The following HS3ST5 variants were observed in gnomAD, a reference collection of about 807,000 sequenced individuals.
HS3ST5 encodes the protein heparan sulfate-glucosamine 3-sulfotransferase 5.
HS3ST5 carries 10 observed loss-of-function variants against 25.4 expected under a neutral mutation model. The ratio of observed to expected loss-of-function variants is 0.39; its 90% CI spans 0.24 to 0.67. The LOEUF is 0.67. Ranked by LOEUF, HS3ST5 falls within the 30% of genes least tolerant of loss-of-function variation. The probability of loss-of-function intolerance (pLI) is 0.44; values close to 1 mark genes in which losing one functional copy is unlikely to be tolerated. For missense variants in HS3ST5, 324 were observed against 420.7 expected (o/e 0.77, Z 2.01); for synonymous variants, 170 against 162.4 (o/e 1.05, Z -0.36).
At chr6:114,132,542 A>G (rs1210961070) in intron 3 of HS3ST5, among the ~76,000 whole-genome samples, 1 of 152,180 alleles carries the variant, frequency 6.6e-6, no homozygotes, top group Non-Finnish European at 1.5e-5. Context: ...CACAAATAGC[A>G]TTTTCCGTAC....
intron 2 of HS3ST5, among the ~76,000 whole-genome samples, chr6:114,197,308 T>A (rs1274991316): frequency 6.6e-6 from 1 of 152,098 alleles, no homozygotes; most frequent in Non-Finnish European, 1.5e-5. Flanking sequence ...ATTTAATAAC[T>A]GCACCTTAAA....
intron 1 of HS3ST5, among the ~76,000 whole-genome samples, chr6:114,256,256 T>C (rs964817546): frequency 2.5e-4 from 38 of 151,762 alleles, no homozygotes; most frequent in South Asian, 1.5e-3. Flanking sequence ...GGCGTGGTGG[T>C]GGGCGCCTGT....
intron 1 of HS3ST5, among the ~76,000 whole-genome samples, chr6:114,339,020 G>A (rs995431468): frequency 6.6e-6 from 1 of 151,978 alleles, no homozygotes; most frequent in Non-Finnish European, 1.5e-5. Flanking sequence ...TCTCTTTTAA[G>A]CTATTCACCT....
At chr6:114,082,880 G>A (rs1014709278) in intron 3 of HS3ST5, among the ~76,000 whole-genome samples, 2 of 152,104 alleles carry the variant, frequency 1.3e-5, no homozygotes, top group Admixed American at 6.6e-5. Flanking sequence ...TAGCCTGTGT[G>A]GTCTAACCCT....
At chr6:114,139,391 A>G (rs1777790562) in intron 3 of HS3ST5, among the ~76,000 whole-genome samples, 1 of 151,882 alleles carries the variant, frequency 6.6e-6, no homozygotes. Context: ...TAGGGACAAA[A>G]GTTCAAAAAA....
intron 1 of HS3ST5, among the ~76,000 whole-genome samples, chr6:114,316,568 G>T (rs768915491): frequency 6.6e-6 from 1 of 152,106 alleles, no homozygotes; most frequent in Non-Finnish European, 1.5e-5. Flanking sequence ...ACGCAAAAGT[G>T]TTCAAGTGAC....
chr6:114,104,622 G>A (rs901312192), intron 3 of HS3ST5, among the ~76,000 whole-genome samples: 2 of 152,138 alleles, frequency 1.3e-5, no homozygotes, highest in Non-Finnish European at 2.9e-5. Context: ...AAATATGCAG[G>A]TGCAAGCCTT....
intron 1 of HS3ST5, among the ~76,000 whole-genome samples, chr6:114,291,076 C>G (rs1271914315): frequency 6.6e-6 from 1 of 152,002 alleles, no homozygotes; most frequent in Non-Finnish European, 1.5e-5. Flanking sequence ...CTCTCATTCT[C>G]AGGCCCTATC....
chr6:114,233,978 A>C (rs1354374337), intron 1 of HS3ST5, among the ~76,000 whole-genome samples: 1 of 152,220 alleles, frequency 6.6e-6, no homozygotes, highest in Admixed American at 6.5e-5. Context: ...ACAGGAAGAC[A>C]CAGGGATACC....
At chr6:114,246,699 G>C (rs1169388314) in intron 1 of HS3ST5, among the ~76,000 whole-genome samples, 1 of 152,182 alleles carries the variant, frequency 6.6e-6, no homozygotes, top group Non-Finnish European at 1.5e-5. Context: ...TCAAAATCAA[G>C]TTTTATATTG....
intron 2 of HS3ST5, among the ~76,000 whole-genome samples, chr6:114,190,649 A>G (rs373317548): frequency 6.9e-4 from 105 of 152,296 alleles, no homozygotes; most frequent in African/African-American, 2.3e-3. Context: ...ATCACCATAT[A>G]TAATTCTTTT....
intron 1 of HS3ST5, among the ~76,000 whole-genome samples, chr6:114,274,610 T>A (rs1189175086): frequency 4.6e-5 from 7 of 151,946 alleles, no homozygotes; most frequent in Non-Finnish European, 1.0e-4. Context: ...CTCTAGAAAT[T>A]TCTGAAATTG....
intron 1 of HS3ST5, among the ~76,000 whole-genome samples, chr6:114,335,888 G>A (rs192852520): frequency 6.6e-6 from 1 of 151,938 alleles, no homozygotes; most frequent in South Asian, 2.1e-4. Context: ...TCTTGACCTT[G>A]TGATCTACCC....
Position 114,068,858 on chromosome 6 carries a change from A to G in HS3ST5, c.-32-5981T>C, listed in dbSNP as rs570764875. On this transcript the variant is annotated intron_variant, in intron 3 of 4. Transcript: ENST00000312719. ...CATTTTGCCTGCCAATAACAGCACAATTAGTTTCTTCAGACTCTTAAAGCT... is the reference window on the plus strand; with the variant it reads ...CATTTTGCCTGCCAATAACAGCACAGTTAGTTTCTTCAGACTCTTAAAGCT... 7.9e-5 allele frequency among the ~76,000 whole-genome samples: 12 copies of G among 152,334 alleles called. No individual in the cohort carries two copies. In the East Asian group the frequency reaches 1.2e-3, roughly 15 times the overall value.
intron 3 of HS3ST5, among the ~76,000 whole-genome samples, chr6:114,089,782 C>T (rs1014198531): frequency 2.6e-5 from 4 of 152,136 alleles, no homozygotes; most frequent in Non-Finnish European, 5.9e-5. Flanking sequence ...GGCCACTGAA[C>T]GGAGAAGCCG....
At chr6:114,264,460 T>A (rs1582770828) in intron 1 of HS3ST5, among the ~76,000 whole-genome samples, 1 of 152,242 alleles carries the variant, frequency 6.6e-6, no homozygotes, top group East Asian at 1.9e-4. Flanking sequence ...TTCCTCATTA[T>A]AATATGTATT....
chr6:114,146,590 C>T (rs529631006), intron 3 of HS3ST5, among the ~76,000 whole-genome samples: 1 of 152,184 alleles, frequency 6.6e-6, no homozygotes. Context: ...GGAGGCTGTT[C>T]CTAAGTGATA....
chr6:114,187,234 C>T (rs1048363806), intron 2 of HS3ST5, among the ~76,000 whole-genome samples: 1 of 152,176 alleles, frequency 6.6e-6, no homozygotes, highest in African/African-American at 2.4e-5. Flanking sequence ...AAGGCTATAG[C>T]TGCCATAGAC....
At chr6:114,147,986 T>C (rs1215827475) in intron 3 of HS3ST5, among the ~76,000 whole-genome samples, 1 of 152,192 alleles carries the variant, frequency 6.6e-6, no homozygotes, top group Non-Finnish European at 1.5e-5. Flanking sequence ...TTCAGAATGA[T>C]TTGATATAAG....
Sources: allele counts gnomAD v4.1 joint callset (sites outside exome capture counted in the v4.1 genomes callset), GRCh38; gene constraint gnomAD v4.1.1; transcripts MANE v1.5; gene names NCBI Gene and HGNC (gene_info 2026-07-23, HGNC 2026-07-21).